Variants in MAMDC2 observed in about 807,000 individuals in gnomAD.
MAMDC2 encodes the protein MAM domain containing 2.
A neutral mutation model predicts 89.8 loss-of-function variants in MAMDC2; 57 were observed. The observed-to-expected ratio is 0.63, with a 90% confidence interval of 0.51 to 0.79. MAMDC2 has a LOEUF of 0.79. Among genes scored for constraint, MAMDC2 ranks in the 30% least tolerant of loss-of-function variants. MAMDC2 has a pLI of 0.00. For synonymous variants in MAMDC2, 313 were observed against 293.4 expected (o/e 1.07, Z -0.68); for missense variants, 800 against 820.6 (o/e 0.97, Z 0.31).
chr9:70,143,512 TA>T (rs2031295404), intron 8 of MAMDC2, 41 bp from the exon 9 acceptor site: 1 of 1,603,052 alleles, frequency 6.2e-7, no homozygotes. Context: ...TAATCTAGAT[TA>T]GATTATTTTG....
intron 11 of MAMDC2, among the ~76,000 whole-genome samples, chr9:70,194,969 T>C (rs2032949191): frequency 6.6e-6 from 1 of 152,084 alleles, no homozygotes; most frequent in East Asian, 1.9e-4. Context: ...TTCTAATTTG[T>C]TAGTAATATT....
intron 2 of MAMDC2, among the ~76,000 whole-genome samples, chr9:70,054,154 T>C (rs1428667343): frequency 6.6e-6 from 1 of 152,140 alleles, no homozygotes; most frequent in Non-Finnish European, 1.5e-5. Context: ...AGGGCATTGA[T>C]GTAAGAATCT....
At chr9:70,091,418 G>T (rs1037972498) in intron 2 of MAMDC2, among the ~76,000 whole-genome samples, 1 of 152,096 alleles carries the variant, frequency 6.6e-6, no homozygotes, top group African/African-American at 2.4e-5. Context: ...ATCCAAGAGG[G>T]TCCACCATGA....
intron 11 of MAMDC2, among the ~76,000 whole-genome samples, chr9:70,203,525 T>C (rs1366520247): frequency 2.2e-5 from 3 of 135,044 alleles, no homozygotes; most frequent in African/African-American, 8.0e-5. Context: ...AATCTGACAT[T>C]TATGTGTCTT....
chr9:70,198,241 G>C (rs1011908456), intron 11 of MAMDC2, among the ~76,000 whole-genome samples: 1 of 151,044 alleles, frequency 6.6e-6, no homozygotes, highest in African/African-American at 2.4e-5. Flanking sequence ...GTTAGGAACA[G>C]TAAGAGATAT....
At chr9:70,153,308 T>C (rs1326569969) in intron 9 of MAMDC2, 1 of 152,168 alleles carries the variant, frequency 6.6e-6, no homozygotes, top group African/African-American at 2.4e-5. Flanking sequence ...GAGAGAACAA[T>C]TCAGTCCAAA....
At chr9:70,201,729 G>A (rs2118634080) in intron 11 of MAMDC2, among the ~76,000 whole-genome samples, 1 of 142,754 alleles carries the variant, frequency 7.0e-6, no homozygotes, top group South Asian at 2.2e-4. Context: ...CACAATTTCA[G>A]ATCCTGTTAT....
intron 11 of MAMDC2, among the ~76,000 whole-genome samples, chr9:70,190,598 A>G (rs768781914): frequency 6.8e-6 from 1 of 147,964 alleles, no homozygotes; most frequent in African/African-American, 2.5e-5. Context: ...AGCTCTTTAT[A>G]TTTACATGGC....
chr9:70,197,958 C>A (rs925665105), intron 11 of MAMDC2, among the ~76,000 whole-genome samples: 1 of 151,958 alleles, frequency 6.6e-6, no homozygotes, highest in South Asian at 2.1e-4. Context: ...TATTATCTCA[C>A]GTCAGCACAA....
chr9:70,210,825 G>A (rs974696243), intron 11 of MAMDC2, among the ~76,000 whole-genome samples: 7 of 152,140 alleles, frequency 4.6e-5, no homozygotes, highest in Non-Finnish European at 8.8e-5. Context: ...GACAGGCCTG[G>A]TAGTGACAAA....
At chr9:70,195,342 G>A (rs1232408738) in intron 11 of MAMDC2, among the ~76,000 whole-genome samples, 3 of 152,036 alleles carry the variant, frequency 2.0e-5, no homozygotes, top group Non-Finnish European at 2.9e-5. Context: ...ATCAAAGTGG[G>A]ATGGATGCTG....
chr9:70,168,767 A>C lies in MAMDC2; in HGVS notation c.1470A>C (p.Thr490=). The change falls in exon 10 of 14, where the codon ACA becomes ACC. Residue 490 remains threonine (T), a synonymous_variant. Transcript: ENST00000377182. ...DCGLVALDDI[T]IQLGSCSSSE... is the part of the protein sequence containing the mutation. ...GGCTTGTAGCCCTGGATGACATTAC[A>C]ATACAATTGGGAAGCTGCTCATCTT... 1 of 1,614,088 alleles carries C rather than the reference A, an allele frequency of 6.2e-7. No individual in the cohort carries two copies. The highest frequency in any genetic ancestry group is 8.5e-7 in the Non-Finnish European group (1 of 1,179,972).
At chr9:70,155,217 T>C (rs1230128708) in intron 9 of MAMDC2, among the ~76,000 whole-genome samples, 1 of 152,152 alleles carries the variant, frequency 6.6e-6, no homozygotes, top group East Asian at 1.9e-4. Context: ...TCTTGTTGAC[T>C]TTTCCTCGTC....
intron 11 of MAMDC2, among the ~76,000 whole-genome samples, chr9:70,200,261 C>T (rs900249866): frequency 9.3e-5 from 14 of 150,910 alleles, no homozygotes; most frequent in South Asian, 2.1e-4. Flanking sequence ...GTTTCAGCTT[C>T]CTACATATGG....
At chr9:70,211,822 C>A (rs2033359724) in intron 11 of MAMDC2, among the ~76,000 whole-genome samples, 1 of 152,140 alleles carries the variant, frequency 6.6e-6, no homozygotes, top group Non-Finnish European at 1.5e-5. Context: ...GATGTCCTTT[C>A]TGTTCATTAG....
At chr9:70,135,316 T>C (rs2030962141) in intron 7 of MAMDC2, among the ~76,000 whole-genome samples, 1 of 152,148 alleles carries the variant, frequency 6.6e-6, no homozygotes, top group African/African-American at 2.4e-5. Flanking sequence ...TGATCTGCCC[T>C]TTACTAACAC....
intron 11 of MAMDC2, chr9:70,188,762 ATTTTTTTTTTTT>A (rs10701601): frequency 3.2e-5 from 3 of 95,148 alleles, no homozygotes; most frequent in Non-Finnish European, 5.5e-5. Context: ...AAAACAATTG[ATTTTTTTTTTTT>A]TTTTTTTTTT....
rs564530990 is a variant in MAMDC2 at position 70,214,661 on chromosome 9, G to A, written c.1652-3676G>A. 1.6e-4 allele frequency among the ~76,000 whole-genome samples: 25 copies of A among 152,308 alleles called. No individual in the cohort carries two copies. In the South Asian group the frequency reaches 4.1e-3, roughly 25 times the overall value. On this transcript the variant is annotated intron_variant, in intron 11 of 13. Transcript: ENST00000377182. The stretch of plus-strand genomic sequence containing the variant: ...AGAGTAGAAGCAGACAGAGTAGTTG[G>A]GAAGCTGTTGCATTAATCCAAGCGA...
intron 9 of MAMDC2, among the ~76,000 whole-genome samples, chr9:70,144,044 A>C (rs1046043199): frequency 3.9e-5 from 6 of 152,184 alleles, no homozygotes; most frequent in Non-Finnish European, 7.3e-5. Context: ...CTTTTTGTTT[A>C]TCTCTTAAAT....
Sources: gnomAD v4.1 joint callset for allele counts (sites outside exome capture counted in the v4.1 genomes callset) on GRCh38, gnomAD v4.1.1 for gene constraint, MANE v1.5 for transcripts, NCBI Gene and HGNC (gene_info 2026-07-23, HGNC 2026-07-21) for gene names.